Variants in FAT4 observed in about 807,000 individuals in gnomAD.
FAT4 encodes the protein protocadherin Fat 4.
A neutral mutation model predicts 303.9 loss-of-function variants in FAT4; 84 were observed. That is an observed-to-expected ratio of 0.28 (90% CI 0.23 to 0.33). The LOEUF (loss-of-function observed/expected upper bound fraction) is 0.33. FAT4 is among the 10% of genes least tolerant of loss of function. The probability of loss-of-function intolerance (pLI) is 1.00; values close to 1 mark genes in which losing one functional copy is unlikely to be tolerated. For missense variants in FAT4, 6,005 were observed against 6,146.8 expected, an observed-to-expected ratio of 0.98 and a Z score of 0.77; for synonymous variants, 2,307 against 2,298.8, an observed-to-expected ratio of 1.00 and a Z score of -0.10.
chr4:125,335,341 A>G (rs539469589), intron 2 of FAT4, among the ~76,000 whole-genome samples: 1 of 152,204 alleles, frequency 6.6e-6, no homozygotes, highest in East Asian at 1.9e-4. Context: ...GTAGATGTTG[A>G]TGATGGGGTT....
chr4:125,483,588 A>G (rs903942933), intron 16 of FAT4, among the ~76,000 whole-genome samples: 3 of 152,208 alleles, frequency 2.0e-5, no homozygotes, highest in African/African-American at 4.8e-5. Flanking sequence ...GACAGCGCAT[A>G]CAACTCCAGA....
intron 15 of FAT4, among the ~76,000 whole-genome samples, chr4:125,480,546 TA>T (rs1250931554): frequency 6.6e-6 from 1 of 152,254 alleles, no homozygotes; most frequent in Non-Finnish European, 1.5e-5. Flanking sequence ...GGTTACTACT[TA>T]ACTCCATTGC....
intron 10 of FAT4, among the ~76,000 whole-genome samples, chr4:125,459,851 G>A (rs1458201990): frequency 6.6e-6 from 1 of 151,968 alleles, no homozygotes; most frequent in Non-Finnish European, 1.5e-5. Flanking sequence ...TCAAACTACT[G>A]CATTCTCTGA....
At chr4:125,381,229 T>A (rs1277504228) in intron 2 of FAT4, among the ~76,000 whole-genome samples, 1 of 152,210 alleles carries the variant, frequency 6.6e-6, no homozygotes, top group Non-Finnish European at 1.5e-5. Flanking sequence ...AAACTAATAA[T>A]ACAGTTGTCA....
chr4:125,409,323 C>A (rs540988207), intron 5 of FAT4, among the ~76,000 whole-genome samples: 32 of 151,278 alleles, frequency 2.1e-4, no homozygotes, highest in African/African-American at 7.5e-4. Flanking sequence ...ATGATGCAAT[C>A]TCAGCTCACT....
At chr4:125,398,677 C>G in intron 2 of FAT4, 107 bp from the exon 3 acceptor site, 1 of 1,083,316 alleles carries the variant, frequency 9.2e-7, no homozygotes, top group East Asian at 2.5e-5. Context: ...GCAAAGGTTC[C>G]AATTCATTTT....
chr4:125,369,516 G>C (rs935340460), intron 2 of FAT4, among the ~76,000 whole-genome samples: 2 of 152,052 alleles, frequency 1.3e-5, no homozygotes, highest in African/African-American at 4.8e-5. Flanking sequence ...CAACAATTTG[G>C]GAGATTACCA....
chr4:125,383,927 T>C (rs972141787), intron 2 of FAT4, among the ~76,000 whole-genome samples: 2 of 152,174 alleles, frequency 1.3e-5, no homozygotes, highest in African/African-American at 4.8e-5. Context: ...TGAAAAAGTC[T>C]ATCATTGTCA....
At chr4:125,447,135 T>C (rs1725854024) in intron 9 of FAT4, among the ~76,000 whole-genome samples, 1 of 152,158 alleles carries the variant, frequency 6.6e-6, no homozygotes, top group Non-Finnish European at 1.5e-5. Flanking sequence ...ATTGACAATA[T>C]GCATTTATCC....
chr4:125,320,173 A>C lies in FAT4; in HGVS notation c.3762A>C (p.Glu1254Asp). Reference sequence around the variant, plus strand: ...ACTATTCTATAATAAAAGGAAATGAAGAAAGACAGTTTGCTATAGACAGTA... The same window carrying C: ...ACTATTCTATAATAAAAGGAAATGACGAAAGACAGTTTGCTATAGACAGTA... ...LIHYSIIKGN[E>D]ERQFAIDSTS... Residue 1254 changes from glutamate (E) to aspartate (D), a missense_variant, in exon 2 of 18, where the codon GAA (glutamate) becomes GAC (aspartate). Glu to Asp is a conservative substitution (Grantham distance 45, BLOSUM62 2). Transcript: ENST00000394329. 6.2e-7 allele frequency: 1 copy of C among 1,613,990 alleles called. No homozygotes were observed. The highest frequency in any genetic ancestry group is 1.1e-5 in the South Asian group (1 of 91,082).
chr4:125,452,192 T>C lies in FAT4; in HGVS notation c.11182T>C (p.Leu3728=), dbSNP rs928457014. The part of the protein sequence containing the change: ...RLGVPTVKDF[L]TNHYLHFLRI... ...CGGCGTACCAACAGTAAAGGACTTC[T>C]TGACCAACCACTATCTTCATTTTTT... Residue 3728 remains leucine (L), a synonymous_variant, in exon 10 of 18, where the codon TTG becomes CTG. Transcript: ENST00000394329. The C allele has an allele frequency of 1.2e-5, 20 of 1,614,138 alleles. No homozygotes were observed. Among genetic ancestry groups the C allele is most frequent in the Non-Finnish European group, 1.7e-5 (20 of 1,180,050 alleles).
intron 12 of FAT4, among the ~76,000 whole-genome samples, chr4:125,474,594 A>G (rs1726967512): frequency 6.6e-6 from 1 of 152,034 alleles, no homozygotes; most frequent in South Asian, 2.1e-4. Context: ...TATAGAGCTT[A>G]TAATAATTAA....
intron 12 of FAT4, among the ~76,000 whole-genome samples, chr4:125,469,610 C>T (rs1017253369): frequency 2.6e-5 from 4 of 152,196 alleles, no homozygotes; most frequent in South Asian, 4.1e-4. Flanking sequence ...CTTAATAAAC[C>T]GCTTCCTTTG....
chr4:125,479,936 A>G, intron 15 of FAT4, 71 bp downstream of exon 15: 1 of 1,188,260 alleles, frequency 8.4e-7, no homozygotes. Flanking sequence ...GCACCCAAGT[A>G]TGTAATCAAA....
chr4:125,490,203 A>T lies in FAT4; in HGVS notation c.13387A>T (p.Thr4463Ser), dbSNP rs1727568972. The T allele has an allele frequency of 2.5e-6, 4 of 1,613,926 alleles. No individual in the cohort carries two copies. The highest frequency in any genetic ancestry group is 1.1e-5 in the South Asian group (1 of 91,082). The part of the protein sequence containing the change: ...CSCPDSHTGR[T>S]CEMVVACLGV... ...CTGCCCAGACTCGCACACGGGAAGGACCTGTGAGATGGTGGTGGCCTGTCT... is the reference window on the plus strand; with the variant it reads ...CTGCCCAGACTCGCACACGGGAAGGTCCTGTGAGATGGTGGTGGCCTGTCT... Residue 4463 changes from threonine to serine, a missense_variant, in exon 18 of 18, where the codon ACC becomes TCC. By Grantham distance (58) the Thr-to-Ser change is moderately conservative. Coordinates refer to ENST00000394329, the MANE Select transcript of FAT4 (RefSeq NM_001291303.3).
At chr4:125,476,053 T>C (rs1727017883) in intron 12 of FAT4, 118 bp from the exon 13 acceptor site, 1 of 497,938 alleles carries the variant, frequency 2.0e-6, no homozygotes, top group African/African-American at 2.0e-5. Context: ...TAAATCAAGA[T>C]GTTATCATAG....
At position 125,448,701 on chromosome 4, in the gene FAT4, C is replaced by T. The variant is rs1471838535; in HGVS notation, c.7691C>T (p.Ala2564Val). ...GTGACTGTTAGATTCGTGAATAAGG[C>T]CGATTTCCCTAAAGTGAGAGCCAAA... The part of the protein sequence containing the change: ...TTVTVRFVNK[A>V]DFPKVRAKEQ... Residue 2564 changes from alanine to valine, a missense_variant, in exon 10 of 18, where the codon GCC becomes GTC. Coordinates refer to ENST00000394329, the MANE Select transcript of FAT4 (RefSeq NM_001291303.3). 6.2e-7 allele frequency: 1 copy of T among 1,613,746 alleles called. No individual in the cohort carries two copies. Among genetic ancestry groups the T allele is most frequent in the Non-Finnish European group, 8.5e-7 (1 of 1,179,900 alleles).
At chr4:125,419,904 A>G (rs908693156) in intron 7 of FAT4, among the ~76,000 whole-genome samples, 1 of 152,238 alleles carries the variant, frequency 6.6e-6, no homozygotes, top group Non-Finnish European at 1.5e-5. Context: ...GAATACTGCC[A>G]ATGCCAACCA....
chr4:125,380,412 T>C (rs1050667054), intron 2 of FAT4, among the ~76,000 whole-genome samples: 3 of 152,142 alleles, frequency 2.0e-5, no homozygotes, highest in African/African-American at 7.2e-5. Flanking sequence ...AATGTAGAGG[T>C]GTTTTGGCAG....
Sources: allele counts gnomAD v4.1 joint callset (sites outside exome capture counted in the v4.1 genomes callset), GRCh38; gene constraint gnomAD v4.1.1; transcripts MANE v1.5; gene names NCBI Gene and HGNC (gene_info 2026-07-23, HGNC 2026-07-21).